The following FMN1 variants were observed in gnomAD, a reference collection of about 807,000 sequenced individuals.
The protein encoded by FMN1 is formin-1.
In FMN1, 110 loss-of-function variants were observed where a neutral mutation model predicts 132.4. That is an observed-to-expected ratio of 0.83 (90% CI 0.71 to 0.97). The LOEUF is 0.97. Ranked by LOEUF, FMN1 falls within the 50% of genes least tolerant of loss-of-function variation. FMN1 has a pLI of 0.00. For synonymous variants in FMN1, 722 were observed against 651.7 expected, an observed-to-expected ratio of 1.11 and a Z score of -1.64; for missense variants, 1,792 against 1,705.3, an observed-to-expected ratio of 1.05 and a Z score of -0.90.
intron 6 of FMN1, among the ~76,000 whole-genome samples, chr15:33,041,390 TAAAA>T (rs35105966): frequency 8.2e-6 from 1 of 121,876 alleles, no homozygotes; most frequent in Admixed American, 8.5e-5. Context: ...CCTCACCAGT[TAAAA>T]AAAAAAAAAA....
chr15:32,856,670 T>C (rs1385810584), intron 17 of FMN1, among the ~76,000 whole-genome samples: 2 of 152,230 alleles, frequency 1.3e-5, no homozygotes, highest in Non-Finnish European at 2.9e-5. Context: ...GTGAAATGCA[T>C]GACCACATCT....
chr15:33,084,119 A>G (rs2038597145), intron 5 of FMN1, among the ~76,000 whole-genome samples: 1 of 152,202 alleles, frequency 6.6e-6, no homozygotes, highest in Admixed American at 6.5e-5. Context: ...AACTACAGGT[A>G]TATTCAGTCA....
chr15:32,820,840 T>C (rs922130589), intron 17 of FMN1, among the ~76,000 whole-genome samples: 3 of 152,180 alleles, frequency 2.0e-5, no homozygotes, highest in Non-Finnish European at 2.9e-5. Flanking sequence ...CTTTTGCTTG[T>C]CTATTAACTT....
chr15:33,105,738 C>A (rs2039460337), intron 4 of FMN1: 1 of 151,714 alleles, frequency 6.6e-6, no homozygotes. Flanking sequence ...TTTGGTCTCA[C>A]TACTGGGATA....
chr15:32,905,454 G>T (rs1186015683), intron 12 of FMN1, among the ~76,000 whole-genome samples: 1 of 152,202 alleles, frequency 6.6e-6, no homozygotes, highest in Admixed American at 6.5e-5. Context: ...TCTCACCCTA[G>T]GCCATGAGAA....
chr15:32,949,442 A>T (rs1020014968), intron 9 of FMN1, among the ~76,000 whole-genome samples: 6 of 152,186 alleles, frequency 3.9e-5, no homozygotes, highest in Non-Finnish European at 8.8e-5. Context: ...GACAAAAACA[A>T]GCAATAGAGA....
intron 6 of FMN1, among the ~76,000 whole-genome samples, chr15:33,020,992 C>G (rs755698385): frequency 3.9e-5 from 6 of 152,170 alleles, no homozygotes; most frequent in Non-Finnish European, 8.8e-5. Context: ...TAAGCCTTGG[C>G]CATATGACTT....
At chr15:32,804,375 T>A in intron 17 of FMN1, 43 bp from the exon 18 acceptor site, 1 of 1,221,138 alleles carries the variant, frequency 8.2e-7, no homozygotes, top group Non-Finnish European at 1.1e-6. Context: ...TCTTCTGTTG[T>A]CTCCTTTGCG....
At chr15:33,005,950 C>G (rs1334455948) in intron 7 of FMN1, among the ~76,000 whole-genome samples, 4 of 152,148 alleles carry the variant, frequency 2.6e-5, no homozygotes, top group African/African-American at 2.4e-5. Context: ...TTTTTTGTTT[C>G]TTTGTGAAAT....
In FMN1 at chr15:32,901,986, T is replaced by A. The variant is rs774885482; in HGVS notation, c.3432A>T (p.Ile1144=). ...CCTCAGAAAAGACAGATCTGAAGAT[T>A]ATGCACTGGGCACGTTCAGCAAAAT... ...IPNFAERAQC[I]IFRSVFSEGI... Residue 1144 remains isoleucine (I), a synonymous_variant, in exon 13 of 21, where the codon ATA becomes ATT. Coordinates refer to ENST00000616417, the MANE Select transcript of FMN1 (RefSeq NM_001277313.2). 1 of 1,613,396 alleles carries A rather than the reference T, an allele frequency of 6.2e-7. No individual in the cohort carries two copies. Among genetic ancestry groups the A allele is most frequent in the East Asian group, 2.2e-5 (1 of 44,854 alleles).
chr15:32,856,664 A>C (rs1316522012), intron 17 of FMN1, among the ~76,000 whole-genome samples: 1 of 152,248 alleles, frequency 6.6e-6, no homozygotes, highest in East Asian at 1.9e-4. Context: ...ACAAATGTGA[A>C]ATGCATGACC....
chr15:33,127,911 G>A (rs762873487), intron 4 of FMN1, among the ~76,000 whole-genome samples: 1 of 147,186 alleles, frequency 6.8e-6, no homozygotes, highest in Non-Finnish European at 1.5e-5. Flanking sequence ...ACAACAAATG[G>A]AGACAGATGG....
chr15:32,781,510 T>C (rs2056663125), intron 19 of FMN1, among the ~76,000 whole-genome samples: 1 of 152,218 alleles, frequency 6.6e-6, no homozygotes, highest in Admixed American at 6.5e-5. Flanking sequence ...ACGACCGGGC[T>C]ATGCTATGTT....
intron 7 of FMN1, among the ~76,000 whole-genome samples, chr15:32,974,792 C>A (rs1399072486): frequency 1.8e-5 from 2 of 108,560 alleles, no homozygotes; most frequent in Non-Finnish European, 4.4e-5. Flanking sequence ...TTGGCAATGA[C>A]TTTCACTTAG....
intron 3 of FMN1, among the ~76,000 whole-genome samples, chr15:33,169,320 C>T (rs1030900725): frequency 1.3e-5 from 2 of 152,160 alleles, no homozygotes; most frequent in Non-Finnish European, 2.9e-5. Flanking sequence ...CTACTATGCT[C>T]CTAGGATTCA....
chr15:32,968,441 C>G (rs2031450467), intron 8 of FMN1, among the ~76,000 whole-genome samples: 1 of 152,170 alleles, frequency 6.6e-6, no homozygotes, highest in South Asian at 2.1e-4. Flanking sequence ...GATCCGGACT[C>G]TTGTCTAGTC....
intron 19 of FMN1, among the ~76,000 whole-genome samples, chr15:32,797,514 C>G (rs1220391357): frequency 1.3e-5 from 2 of 152,122 alleles, no homozygotes; most frequent in African/African-American, 4.8e-5. Context: ...GATGGCAGGG[C>G]AAGAACTATG....
At chr15:32,913,808 G>A (rs551279166) in intron 10 of FMN1, among the ~76,000 whole-genome samples, 16 of 152,246 alleles carry the variant, frequency 1.1e-4, no homozygotes, top group Admixed American at 1.0e-3. Context: ...TGGTACCAGG[G>A]GTGTAGCATG....
intron 4 of FMN1, among the ~76,000 whole-genome samples, chr15:33,097,267 G>A (rs369116963): frequency 2.5e-4 from 37 of 150,260 alleles, no homozygotes; most frequent in African/African-American, 8.6e-4. Context: ...TCACACCACT[G>A]CACTACAGCC....
Sources: allele counts gnomAD v4.1 joint callset (sites outside exome capture counted in the v4.1 genomes callset), GRCh38; gene constraint gnomAD v4.1.1; transcripts MANE v1.5; gene names NCBI Gene and HGNC (gene_info 2026-07-23, HGNC 2026-07-21).